Variants in KATNAL2 observed in about 807,000 individuals in gnomAD.
KATNAL2 encodes the protein katanin p60 ATPase-containing subunit A-like 2.
A neutral mutation model predicts 76.3 loss-of-function variants in KATNAL2; 52 were observed. The ratio of observed to expected loss-of-function variants is 0.68; its 90% confidence interval spans 0.55 to 0.86. The LOEUF is 0.86. Ranked by LOEUF, KATNAL2 falls within the 40% of genes least tolerant of loss-of-function variation. The pLI is 0.00. For missense variants in KATNAL2, 660 were observed against 668.9 expected (o/e 0.99, Z 0.15); for synonymous variants, 243 against 244.2 (o/e 1.00, Z 0.05).
At chr18:47,041,848 T>A (rs541174844) in intron 3 of KATNAL2, among the ~76,000 whole-genome samples, 12 of 152,240 alleles carry the variant, frequency 7.9e-5, no homozygotes, top group Non-Finnish European at 1.3e-4. Flanking sequence ...TCAGTGAGTT[T>A]CTGTTGCTCT....
At chr18:47,069,146 C>T in intron 11 of KATNAL2, 74 bp from the exon 12 acceptor site, 1 of 1,077,484 alleles carries the variant, frequency 9.3e-7, no homozygotes, top group Non-Finnish European at 1.4e-6. Flanking sequence ...TCAGCTTTCC[C>T]AGCTTGTCTG....
At chr18:47,053,991 A>T (rs1167152758) in intron 5 of KATNAL2, among the ~76,000 whole-genome samples, 1 of 152,186 alleles carries the variant, frequency 6.6e-6, no homozygotes, top group African/African-American at 2.4e-5. Flanking sequence ...TTTTATTTTA[A>T]CTAGCAGAGT....
intron 9 of KATNAL2, 26 bp downstream of exon 9, chr18:47,063,096 T>C (rs1390990535): frequency 6.3e-7 from 1 of 1,584,678 alleles, no homozygotes; most frequent in Non-Finnish European, 8.7e-7. Flanking sequence ...GTGACATTCA[T>C]CTTTCAAATT....
intron 3 of KATNAL2, among the ~76,000 whole-genome samples, chr18:47,036,057 C>T (rs750894187): frequency 9.9e-5 from 15 of 152,230 alleles, no homozygotes; most frequent in Non-Finnish European, 1.9e-4. Flanking sequence ...CCTTGTCCCT[C>T]AAGCCCTGAT....
At position 47,062,987 on chromosome 18, in the gene KATNAL2, T is replaced by C; in HGVS notation, c.565T>C (p.Phe189Leu). ...AHPRRGQIID[F>L]QGLLTDAIKG... ...TCCCTTTCAGGGCCAAATCATTGAC[T>C]TCCAAGGGCTGCTCACAGATGCCAT... is the stretch of plus-strand genomic sequence containing the variant. Residue 189 changes from phenylalanine (F) to leucine (L), a missense_variant, in exon 9 of 18, where the codon TTC (phenylalanine) becomes CTC (leucine). Coordinates refer to ENST00000683218, the MANE Select transcript of KATNAL2 (RefSeq NM_001387690.1). The C allele has an allele frequency of 6.2e-7, 1 of 1,614,062 alleles. No homozygotes were observed. The highest frequency in any genetic ancestry group is 8.5e-7 in the Non-Finnish European group (1 of 1,179,958).
At chr18:47,031,454 G>A (rs1163055128) in intron 3 of KATNAL2, among the ~76,000 whole-genome samples, 2 of 152,126 alleles carry the variant, frequency 1.3e-5, no homozygotes, top group Non-Finnish European at 2.9e-5. Flanking sequence ...GGGGCGGGGT[G>A]TGTTTCTTCT....
chr18:46,956,615 C>T (rs1228137431), intron 3 of KATNAL2, among the ~76,000 whole-genome samples: 1 of 152,340 alleles, frequency 6.6e-6, no homozygotes, highest in East Asian at 1.9e-4. Context: ...TTCTTCCCCC[C>T]ATCCCAGTAG....
chr18:47,100,753 A>G, intron 17 of KATNAL2, 113 bp from the exon 18 acceptor site: 1 of 1,307,424 alleles, frequency 7.6e-7, no homozygotes, highest in Non-Finnish European at 1.1e-6. Flanking sequence ...CTGCATTAAC[A>G]ATTAAGAATG....
At position 47,070,866 on chromosome 18, in the gene KATNAL2, C is replaced by T. The variant is rs912076761; in HGVS notation, c.1008+1266C>T. 4.6e-4 allele frequency among the ~76,000 whole-genome samples: 70 copies of T among 152,134 alleles called. 1 individual carries two copies. The highest frequency in any genetic ancestry group is 9.8e-4 in the Admixed American group (15 of 15,276). ...TTGTGGAAATCTACATTGATATCTT[C>T]TATTTCTTTGTTCTTCATCTTGCAT... On this transcript the variant is annotated intron_variant, in intron 13 of 17. Transcript: ENST00000683218.
chr18:47,043,109 C>G (rs2061019512), intron 3 of KATNAL2, among the ~76,000 whole-genome samples: 1 of 151,926 alleles, frequency 6.6e-6, no homozygotes, highest in Admixed American at 6.6e-5. Flanking sequence ...CGTCTGTAGT[C>G]CCAGCTACTC....
rs142205825 is a variant in KATNAL2, at chr18:47,033,181, C to T, written c.52-13276C>T. On this transcript the variant is annotated intron_variant, in intron 3 of 17. Coordinates refer to ENST00000683218, the MANE Select transcript of KATNAL2 (RefSeq NM_001387690.1). ...GCGAAGGATGCTGCTGCTGCTGTCT[C>T]TGCCACCGCCGCTGCTGCTCTGGCT... 20 of 1,613,928 alleles carry T rather than the reference C, an allele frequency of 1.2e-5. No homozygotes were observed. In the African/African-American group the frequency reaches 2.5e-4, roughly 20 times the overall value.
chr18:46,947,198 A>G (rs138267867), intron 3 of KATNAL2, among the ~76,000 whole-genome samples: 30 of 152,280 alleles, frequency 2.0e-4, no homozygotes, highest in Admixed American at 1.5e-3. Flanking sequence ...GAAATGAGGT[A>G]TTGACGGGGA....
intron 1 of KATNAL2, among the ~76,000 whole-genome samples, chr18:46,923,767 C>T (rs2058647089): frequency 6.6e-6 from 1 of 152,216 alleles, no homozygotes; most frequent in East Asian, 1.9e-4. Context: ...GATCGACATT[C>T]TAACTGGTGG....
chr18:46,942,601 C>T (rs2146635928), intron 1 of KATNAL2, among the ~76,000 whole-genome samples: 1 of 152,134 alleles, frequency 6.6e-6, no homozygotes, highest in East Asian at 1.9e-4. Flanking sequence ...AGCCTGGCAA[C>T]AGAGCAAGAC....
intron 3 of KATNAL2, among the ~76,000 whole-genome samples, chr18:47,032,410 G>T (rs1238905626): frequency 6.6e-6 from 1 of 152,130 alleles, no homozygotes; most frequent in Non-Finnish European, 1.5e-5. Flanking sequence ...ACCATGCCAG[G>T]CTAGTTTTGA....
At chr18:47,063,552 C>T (rs961347973) in intron 10 of KATNAL2, among the ~76,000 whole-genome samples, 191 bp downstream of exon 10, 15 of 152,038 alleles carry the variant, frequency 9.9e-5, no homozygotes, top group Admixed American at 1.3e-4. Context: ...CATAAAATTA[C>T]AATATACAAA....
chr18:46,934,628 G>A (rs998480823), intron 1 of KATNAL2, among the ~76,000 whole-genome samples: 34 of 152,250 alleles, frequency 2.2e-4, no homozygotes, highest in African/African-American at 4.1e-4. Context: ...AGTTTCTTTT[G>A]CTGTGCAGAA....
chr18:47,064,588 G>A (rs563824454), intron 10 of KATNAL2, among the ~76,000 whole-genome samples: 1 of 152,228 alleles, frequency 6.6e-6, no homozygotes, highest in East Asian at 1.9e-4. Context: ...AAAAGGAGAT[G>A]GGGAGACCAT....
At chr18:47,037,231 T>G (rs1171077830) in intron 3 of KATNAL2, among the ~76,000 whole-genome samples, 1 of 152,210 alleles carries the variant, frequency 6.6e-6, no homozygotes, top group Non-Finnish European at 1.5e-5. Flanking sequence ...AAATATCTTC[T>G]GGGTCTAAAA....
Sources: gnomAD v4.1 joint callset for allele counts (sites outside exome capture counted in the v4.1 genomes callset) on GRCh38, gnomAD v4.1.1 for gene constraint, MANE v1.5 for transcripts, NCBI Gene and HGNC (gene_info 2026-07-23, HGNC 2026-07-21) for gene names.